The following ITGA11 variants were observed in gnomAD, a reference collection of about 807,000 sequenced individuals.
The protein encoded by ITGA11 is integrin alpha-11.
A neutral mutation model predicts 141.9 loss-of-function variants in ITGA11; 97 were observed. The ratio of observed to expected loss-of-function variants is 0.68; its 90% CI spans 0.58 to 0.81. ITGA11 has a LOEUF of 0.81. Among genes scored for constraint, ITGA11 ranks in the 30% least tolerant of loss-of-function variants. The pLI is 0.00. For synonymous variants in ITGA11, 658 were observed against 624.6 expected (o/e 1.05, Z -0.80); for missense variants, 1,387 against 1,559.2 (o/e 0.89, Z 1.86).
rs1294546266 is a variant in ITGA11, at chr15:68,299,246, TGTTTCA to T, written c.*3807_*3812del. 8 of 152,336 alleles carry T rather than the reference TGTTTCA, an allele frequency of 5.3e-5. No homozygotes were observed. Among genetic ancestry groups the T allele is most frequent in the South Asian group, 2.1e-4 (1 of 4,828 alleles). 9.4% of individuals were successfully genotyped at this position (152,336 alleles called of 1,614,324 possible). A position where few individuals can be genotyped will look rare whatever the true frequency, so the allele number is the denominator to read the frequency against. On this transcript the variant is annotated 3_prime_UTR_variant, in exon 30 of 30. Coordinates refer to ENST00000315757, the MANE Select transcript of ITGA11 (RefSeq NM_001004439.2). ...TGCTAAATCAGCAAGGCTCCGTTCCTGTTTCAGTTTCAGTTTTGGAACATGCTGTCC... is the reference window on the plus strand; with the variant it reads ...TGCTAAATCAGCAAGGCTCCGTTCCTGTTTCAGTTTTGGAACATGCTGTCC...
intron 2 of ITGA11, among the ~76,000 whole-genome samples, chr15:68,400,835 A>T (rs181088558): frequency 1.8e-5 from 1 of 56,992 alleles, no homozygotes; most frequent in Non-Finnish European, 3.2e-5. Context: ...TATATAATAA[A>T]TATTATATTA....
intron 23 of ITGA11, among the ~76,000 whole-genome samples, chr15:68,313,264 C>T (rs189845762): frequency 3.0e-3 from 452 of 150,984 alleles, no homozygotes; most frequent in African/African-American, 0.011. Context: ...TCCATCTGCC[C>T]ATGAGCTCTC....
At chr15:68,351,495 G>A in intron 7 of ITGA11, 93 bp from the exon 8 acceptor site, 2 of 1,425,464 alleles carry the variant, frequency 1.4e-6, no homozygotes, top group Non-Finnish European at 1.9e-6. Flanking sequence ...CAGAAACCAG[G>A]ACCAAGTCCT....
chr15:68,331,184 G>T, intron 14 of ITGA11, 73 bp from the exon 15 acceptor site: 1 of 1,338,922 alleles, frequency 7.5e-7, no homozygotes, highest in African/African-American at 1.4e-5. Context: ...CGAGCAGCAG[G>T]AACAATCAGG....
In ITGA11 at chr15:68,321,468, G is replaced by A. The variant is rs771638852; in HGVS notation, c.2358C>T (p.His786=). Residue 786 remains histidine (H), a synonymous_variant, in exon 19 of 30, where the codon CAC becomes CAT. Coordinates refer to ENST00000315757, the MANE Select transcript of ITGA11 (RefSeq NM_001004439.2). The surrounding 1 kb of genome is among the most constrained non-coding windows in gnomAD (Gnocchi z 4.9). ...CATCCAACACAAGGTCAGGGACACAGTGCTCATCCTCATTGCAGCCGTTCC... is the reference window on the plus strand; with the variant it reads ...CATCCAACACAAGGTCAGGGACACAATGCTCATCCTCATTGCAGCCGTTCC... ...PFWNGCNEDE[H]CVPDLVLDAR... The A allele has an allele frequency of 1.3e-6, 2 of 1,596,214 alleles. No individual in the cohort carries two copies. Among genetic ancestry groups the A allele is most frequent in the East Asian group, 2.3e-5 (1 of 43,064 alleles).
intron 10 of ITGA11, among the ~76,000 whole-genome samples, 176 bp downstream of exon 10, chr15:68,348,654 C>G (rs1255388949): frequency 3.9e-5 from 6 of 152,206 alleles, no homozygotes; most frequent in African/African-American, 1.4e-4. Flanking sequence ...GACCTCGACT[C>G]CCCTCTTCCA....
chr15:68,350,816 G>C lies in ITGA11; in HGVS notation c.895-34C>G, dbSNP rs759852079. On this transcript the variant is annotated intron_variant, in intron 8 of 29. Coordinates refer to ENST00000315757, the MANE Select transcript of ITGA11 (RefSeq NM_001004439.2). ...GAACAGGGGCAGGAACCACAAACCAGAACATAGCACAGACTTTCCCATACA... is the reference window on the plus strand; with the variant it reads ...GAACAGGGGCAGGAACCACAAACCACAACATAGCACAGACTTTCCCATACA... 4.4e-6 allele frequency: 7 copies of C among 1,593,440 alleles called. No individual in the cohort carries two copies. The Admixed American group carries it at 1.0e-4, about 23-fold the overall frequency.
intron 10 of ITGA11, among the ~76,000 whole-genome samples, chr15:68,347,655 G>T (rs923967799): frequency 3.3e-5 from 5 of 152,152 alleles, no homozygotes; most frequent in African/African-American, 1.2e-4. Context: ...CTCTCACGGA[G>T]CAGCTGCTTG....
intron 1 of ITGA11, among the ~76,000 whole-genome samples, chr15:68,406,534 A>G (rs921546500): frequency 9.2e-5 from 14 of 152,258 alleles, no homozygotes; most frequent in Middle Eastern, 6.8e-3. Context: ...GTCCATCACC[A>G]GGCCACCAAA....
chr15:68,354,445 G>A (rs1895007595), intron 7 of ITGA11, among the ~76,000 whole-genome samples: 1 of 152,068 alleles, frequency 6.6e-6, no homozygotes, highest in Non-Finnish European at 1.5e-5. Flanking sequence ...ATCTGCAGTG[G>A]CCACCCATGC....
intron 1 of ITGA11, among the ~76,000 whole-genome samples, chr15:68,429,552 T>G (rs1392069032): frequency 6.6e-6 from 1 of 152,116 alleles, no homozygotes; most frequent in Non-Finnish European, 1.5e-5. Context: ...TGCTCTGAGG[T>G]CTCACCCTCA....
At chr15:68,386,249 G>C (rs1227960701) in intron 2 of ITGA11, among the ~76,000 whole-genome samples, 1 of 152,160 alleles carries the variant, frequency 6.6e-6, no homozygotes, top group African/African-American at 2.4e-5. Flanking sequence ...AAGCTTTGGG[G>C]GTGGTAGTGG....
intron 1 of ITGA11, among the ~76,000 whole-genome samples, chr15:68,407,149 C>T (rs1053001191): frequency 1.3e-5 from 2 of 152,052 alleles, no homozygotes; most frequent in East Asian, 1.9e-4. Context: ...AGCAGGGAGA[C>T]GCAATGGGAG....
At chr15:68,347,712 A>G (rs898268977) in intron 10 of ITGA11, among the ~76,000 whole-genome samples, 1 of 152,136 alleles carries the variant, frequency 6.6e-6, no homozygotes, top group African/African-American at 2.4e-5. Context: ...GAAGAATTTT[A>G]CTCCAGCAGG....
At chr15:68,311,777 C>G (rs990503409) in intron 24 of ITGA11, among the ~76,000 whole-genome samples, 1 of 152,160 alleles carries the variant, frequency 6.6e-6, no homozygotes, top group Non-Finnish European at 1.5e-5. Context: ...GAGAGGGAAT[C>G]ATTAATTAAC....
chr15:68,404,062 C>G (rs1260392016), intron 1 of ITGA11, among the ~76,000 whole-genome samples: 2 of 152,132 alleles, frequency 1.3e-5, no homozygotes, highest in Non-Finnish European at 1.5e-5. Context: ...CTCCTTCCTC[C>G]CATCTGCTGC....
intron 10 of ITGA11, among the ~76,000 whole-genome samples, chr15:68,342,441 G>T (rs1444227014): frequency 1.3e-5 from 2 of 152,214 alleles, no homozygotes; most frequent in Non-Finnish European, 2.9e-5. Flanking sequence ...GCTGTCAGAA[G>T]GTCTGAGGCC....
chr15:68,406,114 G>A (rs1213347542), intron 1 of ITGA11, among the ~76,000 whole-genome samples: 1 of 152,202 alleles, frequency 6.6e-6, no homozygotes, highest in Non-Finnish European at 1.5e-5. Context: ...GAGGGCCAGT[G>A]AAGGTGAAGC....
At chr15:68,428,914 G>A (rs1007276410) in intron 1 of ITGA11, among the ~76,000 whole-genome samples, 8 of 152,170 alleles carry the variant, frequency 5.3e-5, no homozygotes, top group African/African-American at 1.9e-4. Flanking sequence ...TTTGGGCCAG[G>A]GCTTTGCGGG....
Sources: gnomAD v4.1 joint callset for allele counts (sites outside exome capture counted in the v4.1 genomes callset) on GRCh38, gnomAD v4.1.1 for gene constraint, Gnocchi (gnomAD v3.1) non-coding constraint, MANE v1.5 for transcripts, NCBI Gene and HGNC (gene_info 2026-07-23, HGNC 2026-07-21) for gene names.